Variants in GIPC2 observed in about 807,000 individuals in gnomAD.
GIPC2 encodes GIPC PDZ domain containing family member 2.
GIPC2 carries 30 observed loss-of-function variants against 30.6 expected under a neutral mutation model. That is an observed-to-expected ratio of 0.98 (90% CI 0.73 to 1.33). GIPC2 has a LOEUF of 1.33. Ranked by LOEUF, GIPC2 falls within the 40% of genes most tolerant of loss-of-function variation. The pLI, the probability that GIPC2 is intolerant of heterozygous loss-of-function variation, is 0.00. For synonymous variants in GIPC2, 167 were observed against 150.0 expected (o/e 1.11, Z -0.83); for missense variants, 414 against 390.3 (o/e 1.06, Z -0.51).
At chr1:78,104,191 CG>C (rs1662302080) in intron 3 of GIPC2, among the ~76,000 whole-genome samples, 3 of 140,652 alleles carry the variant, frequency 2.1e-5, no homozygotes, top group Non-Finnish European at 4.6e-5. Context: ...GAGAGGGGGC[CG>C]GGGGTGGTGC....
rs777445472 is a variant in GIPC2 at position 78,094,939 on chromosome 1, A to G, written c.427-13A>G. On this transcript the variant is annotated splice_polypyrimidine_tract_variant and intron_variant, in intron 2 of 5. Transcript: ENST00000370759. Reference sequence around the variant, plus strand: ...TTCTATTTTATATTATGTTATCATCAATTTCCTTTCAGAGAATTAAAGATG... The same window carrying G: ...TTCTATTTTATATTATGTTATCATCGATTTCCTTTCAGAGAATTAAAGATG... The G allele has an allele frequency of 1.4e-5, 22 of 1,525,702 alleles. No individual in the cohort carries two copies. Among genetic ancestry groups the G allele is most frequent in the Non-Finnish European group, 1.9e-5 (21 of 1,101,020 alleles). 94.5% of individuals were successfully genotyped at this position (1,525,702 alleles called of 1,614,324 possible).
intron 5 of GIPC2, among the ~76,000 whole-genome samples, chr1:78,133,891 C>T (rs1662951739): frequency 6.6e-6 from 1 of 151,956 alleles, no homozygotes; most frequent in South Asian, 2.1e-4. Context: ...CTGATTTGGT[C>T]AGTGTGAACT....
chr1:78,095,773 T>G (rs1264540547), intron 3 of GIPC2, among the ~76,000 whole-genome samples: 2 of 152,186 alleles, frequency 1.3e-5, no homozygotes, highest in African/African-American at 4.8e-5. Context: ...CCCAGAACTA[T>G]TTTAATAAGC....
intron 4 of GIPC2, among the ~76,000 whole-genome samples, chr1:78,123,814 G>A: frequency 6.6e-6 from 1 of 152,200 alleles, no homozygotes; most frequent in East Asian, 1.9e-4. Context: ...TGCCTGGATA[G>A]ATATAAAGGT....
At position 78,135,579 on chromosome 1, in the gene GIPC2, T is replaced by A; in HGVS notation, c.797-13T>A. 1 of 1,473,062 alleles carries A rather than the reference T, an allele frequency of 6.8e-7. No individual in the cohort carries two copies. The allele number at this position is 1,473,062 out of a possible 1,614,324, so 91.2% of individuals were successfully genotyped here. A position where few individuals can be genotyped will look rare whatever the true frequency, so the allele number is the denominator to read the frequency against. On this transcript the variant is annotated splice_polypyrimidine_tract_variant and intron_variant, in intron 5 of 5. Coordinates refer to ENST00000370759, the MANE Select transcript of GIPC2 (RefSeq NM_017655.6). ...TTCATTTATTGTTAATTTTTTAATA[T>A]TATTTTTGATAGCCACCACAATGTT...
At chr1:78,076,094 A>C (rs1448768584) in intron 1 of GIPC2, among the ~76,000 whole-genome samples, 1 of 152,026 alleles carries the variant, frequency 6.6e-6, no homozygotes, top group Non-Finnish European at 1.5e-5. Context: ...CTTTCCCCAA[A>C]CCCCCAATAA....
At chr1:78,058,482 C>T (rs1661335970) in intron 1 of GIPC2, among the ~76,000 whole-genome samples, 1 of 152,060 alleles carries the variant, frequency 6.6e-6, no homozygotes, top group South Asian at 2.1e-4. Flanking sequence ...CAGCATTGTG[C>T]TTGATGCTGG....
chr1:78,123,518 A>T (rs1274176763), intron 4 of GIPC2, among the ~76,000 whole-genome samples: 2 of 152,032 alleles, frequency 1.3e-5, no homozygotes, highest in African/African-American at 2.4e-5. Flanking sequence ...TTATGAGGGG[A>T]GTAACACAAT....
chr1:78,047,880 A>AG (rs908088886), intron 1 of GIPC2, among the ~76,000 whole-genome samples: 33 of 152,368 alleles, frequency 2.2e-4, no homozygotes, highest in African/African-American at 7.5e-4. Context: ...CTAGCAAAAA[A>AG]AAACTTGACT....
At chr1:78,132,570 C>T (rs527930258) in intron 5 of GIPC2, among the ~76,000 whole-genome samples, 6 of 151,986 alleles carry the variant, frequency 3.9e-5, no homozygotes, top group South Asian at 4.2e-4. Context: ...ATGGAGTTCC[C>T]GGGCTTAGTG....
intron 2 of GIPC2, among the ~76,000 whole-genome samples, chr1:78,088,564 C>A (rs912153469): frequency 6.6e-6 from 1 of 152,210 alleles, no homozygotes; most frequent in East Asian, 1.9e-4. Context: ...AACTTATGAA[C>A]ACAAAGGAGG....
chr1:78,120,755 T>C (rs1662666068), intron 4 of GIPC2, among the ~76,000 whole-genome samples: 1 of 152,122 alleles, frequency 6.6e-6, no homozygotes, highest in Admixed American at 6.5e-5. Context: ...TTATTCACTA[T>C]CATGAGAACA....
At chr1:78,088,430 GATC>G (rs1417920475) in intron 2 of GIPC2, among the ~76,000 whole-genome samples, 2 of 152,194 alleles carry the variant, frequency 1.3e-5, no homozygotes, top group Non-Finnish European at 2.9e-5. Flanking sequence ...AAAAGAATGA[GATC>G]ATGTCTTTTG....
intron 1 of GIPC2, among the ~76,000 whole-genome samples, chr1:78,048,133 T>C (rs576601910): frequency 2.0e-5 from 3 of 152,318 alleles, no homozygotes; most frequent in East Asian, 3.9e-4. Flanking sequence ...TTTTGACTTA[T>C]GATATTTTTG....
intron 3 of GIPC2, among the ~76,000 whole-genome samples, chr1:78,102,620 T>C (rs952811264): frequency 6.6e-6 from 1 of 152,216 alleles, no homozygotes; most frequent in African/African-American, 2.4e-5. Context: ...ATATGTGACA[T>C]TGGGTAAGTT....
chr1:78,076,968 C>T (rs1392494611), intron 1 of GIPC2, among the ~76,000 whole-genome samples: 2 of 151,674 alleles, frequency 1.3e-5, no homozygotes, highest in East Asian at 3.9e-4. Flanking sequence ...TGGGTTTTCA[C>T]CATGTTGGCC....
chr1:78,113,798 T>C (rs685848), intron 3 of GIPC2, among the ~76,000 whole-genome samples: 32,964 of 151,790 alleles, frequency 0.22, 4,038 homozygotes, highest in East Asian at 0.61. Context: ...AGATTACAGG[T>C]GTGAGCCACT....
chr1:78,055,663 C>T (rs998473830), intron 1 of GIPC2, among the ~76,000 whole-genome samples: 2 of 152,124 alleles, frequency 1.3e-5, no homozygotes, highest in Non-Finnish European at 2.9e-5. Flanking sequence ...CTGTGCCCTG[C>T]CTGTGTATCT....
intron 1 of GIPC2, among the ~76,000 whole-genome samples, chr1:78,051,301 C>T (rs896583099): frequency 2.6e-5 from 4 of 151,966 alleles, no homozygotes; most frequent in Admixed American, 2.6e-4. Flanking sequence ...TTTACATGTC[C>T]AGAAACTGGA....
Sources: allele counts gnomAD v4.1 joint callset (sites outside exome capture counted in the v4.1 genomes callset), GRCh38; gene constraint gnomAD v4.1.1; transcripts MANE v1.5; gene names NCBI Gene and HGNC (gene_info 2026-07-23, HGNC 2026-07-21).